The following KCNJ18 variants were observed in gnomAD, a reference collection of about 807,000 sequenced individuals.
KCNJ18 encodes inward rectifier potassium channel 18.
A neutral mutation model predicts 17.3 loss-of-function variants in KCNJ18; 16 were observed. The ratio of observed to expected loss-of-function variants is 0.92; its 90% CI spans 0.62 to 1.40. The LOEUF is 1.40. Among genes scored for constraint, KCNJ18 ranks in the 40% most tolerant of loss-of-function variants. The pLI, the probability that KCNJ18 is intolerant of heterozygous loss-of-function variation, is 0.00. For synonymous variants in KCNJ18, 185 were observed against 262.6 expected (o/e 0.70, Z 2.86); for missense variants, 462 against 626.8 (o/e 0.74, Z 2.81).
Position 21,703,147 on chromosome 17 carries a change from A to G in KCNJ18, c.361A>G (p.Thr121Ala). 1 of 1,611,098 alleles carries G rather than the reference A, an allele frequency of 6.2e-7. No homozygotes were observed. The highest frequency in any genetic ancestry group is 8.5e-7 in the Non-Finnish European group (1 of 1,179,272). Reference sequence around the variant, plus strand: ...GGAGCCGGCTGAGGGCCACGGCCGCACACCCTGTGTGATGCAGGTGCACGG... The same window carrying G: ...GGAGCCGGCTGAGGGCCACGGCCGCGCACCCTGTGTGATGCAGGTGCACGG... ...DLEPAEGHGR[T>A]PCVMQVHGFM... Residue 121 changes from threonine to alanine, a missense_variant, in exon 3 of 3, where the codon ACA becomes GCA. By Grantham distance (58) the Thr-to-Ala change is moderately conservative. This residue lies in a region of KCNJ18 where 237 missense variants were observed against 259.4 expected (regional missense o/e 0.91). Transcript: ENST00000567955.
chr17:21,698,128 T>C (rs1360380178), intron 2 of KCNJ18, among the ~76,000 whole-genome samples: 9 of 151,924 alleles, frequency 5.9e-5, no homozygotes, highest in East Asian at 2.0e-4. Flanking sequence ...CCACCTGGGA[T>C]TGCAGGGGCT....
At chr17:21,701,302 C>T (rs1398278383) in intron 2 of KCNJ18, among the ~76,000 whole-genome samples, 1 of 152,294 alleles carries the variant, frequency 6.6e-6, no homozygotes, top group East Asian at 1.9e-4. Context: ...TGGCCTGGAG[C>T]CAGGTGCTGC....
chr17:21,702,213 G>A (rs1905981574), intron 2 of KCNJ18, among the ~76,000 whole-genome samples: 1 of 151,904 alleles, frequency 6.6e-6, no homozygotes, highest in East Asian at 1.9e-4. Flanking sequence ...TGGCTGGATG[G>A]GGAGTCCGCT....
chr17:21,704,118 C>G lies in KCNJ18; in HGVS notation c.*30C>G, dbSNP rs1455375225. 5.0e-5 allele frequency: 76 copies of G among 1,506,852 alleles called. No homozygotes were observed. The highest frequency in any genetic ancestry group is 6.6e-5 in the Non-Finnish European group (74 of 1,128,454). The allele number at this position is 1,506,852 out of a possible 1,614,324, so 93.3% of individuals were successfully genotyped here. A position where few individuals can be genotyped will look rare whatever the true frequency, so the allele number is the denominator to read the frequency against. On this transcript the variant is annotated 3_prime_UTR_variant, in exon 3 of 3. Coordinates refer to ENST00000567955, the MANE Select transcript of KCNJ18 (RefSeq NM_001194958.2). The stretch of plus-strand genomic sequence containing the variant: ...ACCTTGGCCGACATGCAGCATCCAC[C>G]CCTGGCCGGGGAGAGGCCCCGCGGT...
chr17:21,693,510 C>T (rs1256705532), intron 1 of KCNJ18, among the ~76,000 whole-genome samples: 8,991 of 152,054 alleles, frequency 0.059, 4 homozygotes, highest in African/African-American at 0.19. Context: ...TGGCAATATC[C>T]GACCTTCGCT....
Position 21,703,671 on chromosome 17 carries a change from C to T in KCNJ18, c.885C>T (p.Ile295=), listed in dbSNP as rs1213171082. The part of the protein sequence containing the change: ...RQDLETDDFE[I]VVILEGMVEA... ...ACCTGGAGACGGACGACTTTGAGAT[C>T]GTGGTCATCCTGGAAGGCATGGTGG... The change falls in exon 3 of 3, where the codon ATC becomes ATT. Residue 295 remains isoleucine, a synonymous_variant. Transcript: ENST00000567955. 7.5e-6 allele frequency: 12 copies of T among 1,591,052 alleles called. No individual in the cohort carries two copies. Among genetic ancestry groups the T allele is most frequent in the African/African-American group, 4.0e-5 (3 of 74,162 alleles).
Position 21,703,656 on chromosome 17 carries a change from G to C in KCNJ18, c.870G>C (p.Thr290=). ...LFGISRQDLE[T]DDFEIVVILE... ...GCATCAGCCGGCAGGACCTGGAGAC[G>C]GACGACTTTGAGATCGTGGTCATCC... The change falls in exon 3 of 3, where the codon ACG becomes ACC. Residue 290 remains threonine (T), a synonymous_variant. Coordinates refer to ENST00000567955, the MANE Select transcript of KCNJ18 (RefSeq NM_001194958.2). The C allele has an allele frequency of 6.2e-7, 1 of 1,603,816 alleles. No homozygotes were observed.
At chr17:21,695,770 T>C (rs1395005271) in intron 1 of KCNJ18, among the ~76,000 whole-genome samples, 147 of 151,906 alleles carry the variant, frequency 9.7e-4, no homozygotes, top group East Asian at 4.1e-3. Context: ...TCTCTGACAC[T>C]CCATCTTGTT....
chr17:21,693,307 C>A, intron 1 of KCNJ18, among the ~76,000 whole-genome samples: 1 of 152,298 alleles, frequency 6.6e-6, no homozygotes, highest in Non-Finnish European at 1.5e-5. Context: ...TAGAGTAGAG[C>A]TAATTTTGCC....
intron 2 of KCNJ18, among the ~76,000 whole-genome samples, 199 bp downstream of exon 2, chr17:21,696,303 C>T (rs1384903151): frequency 2.0e-5 from 3 of 151,860 alleles, no homozygotes; most frequent in Admixed American, 2.0e-4. Context: ...GCCATCCGTT[C>T]CTCACCCATT....
intron 2 of KCNJ18, among the ~76,000 whole-genome samples, 177 bp downstream of exon 2, chr17:21,696,281 C>T (rs1244482961): frequency 6.6e-6 from 1 of 151,378 alleles, no homozygotes; most frequent in African/African-American, 2.4e-5. Flanking sequence ...CTCCATCCAT[C>T]CCCTCGCCCA....
At chr17:21,692,776 G>C (rs1298466014) in intron 1 of KCNJ18, 62 bp downstream of exon 1, 2 of 152,662 alleles carry the variant, frequency 1.3e-5, no homozygotes, top group East Asian at 3.8e-4. Context: ...CTGGGGGGCT[G>C]CCAGGCCTCT....
chr17:21,704,123 G>C lies in KCNJ18; in HGVS notation c.*35G>C. 1 of 1,494,822 alleles carries C rather than the reference G, an allele frequency of 6.7e-7. No individual in the cohort carries two copies. The highest frequency in any genetic ancestry group is 8.9e-7 in the Non-Finnish European group (1 of 1,122,796). The allele number at this position is 1,494,822 out of a possible 1,614,324, so 92.6% of individuals were successfully genotyped here. On this transcript the variant is annotated 3_prime_UTR_variant, in exon 3 of 3. Transcript: ENST00000567955. The stretch of plus-strand genomic sequence containing the variant: ...GGCCGACATGCAGCATCCACCCCTG[G>C]CCGGGGAGAGGCCCCGCGGTCGCTC...
intron 2 of KCNJ18, among the ~76,000 whole-genome samples, chr17:21,697,798 C>T (rs1236405850): frequency 1.3e-5 from 2 of 152,308 alleles, no homozygotes; most frequent in South Asian, 2.1e-4. Flanking sequence ...CTGGGCTTTC[C>T]AGGCCCCAGT....
chr17:21,699,303 G>T (rs1458130430), intron 2 of KCNJ18, among the ~76,000 whole-genome samples: 1 of 152,130 alleles, frequency 6.6e-6, no homozygotes, highest in Admixed American at 6.5e-5. Context: ...CTTGAAGGCC[G>T]CATGTTTGTG....
intron 2 of KCNJ18, among the ~76,000 whole-genome samples, chr17:21,701,301 G>T (rs1905942048): frequency 6.6e-6 from 1 of 152,302 alleles, no homozygotes; most frequent in African/African-American, 2.4e-5. Flanking sequence ...CTGGCCTGGA[G>T]CCAGGTGCTG....
chr17:21,701,501 T>C (rs1213090287), intron 2 of KCNJ18, among the ~76,000 whole-genome samples: 2 of 152,180 alleles, frequency 1.3e-5, no homozygotes, highest in African/African-American at 4.8e-5. Context: ...GCACTGCTGG[T>C]GACCAAGAAG....
chr17:21,703,347 C>G lies in KCNJ18; in HGVS notation c.561C>G (p.Pro187=). 1.2e-6 allele frequency: 2 copies of G among 1,606,762 alleles called. No homozygotes were observed. Among genetic ancestry groups the G allele is most frequent in the Non-Finnish European group, 1.7e-6 (2 of 1,176,664 alleles). The change falls in exon 3 of 3, where the codon CCC becomes CCG. Residue 187 remains proline (P), a synonymous_variant. Coordinates refer to ENST00000567955, the MANE Select transcript of KCNJ18 (RefSeq NM_001194958.2). Reference sequence around the variant, plus strand: ...CCATCATGGCCAAGATGGCAAGGCCCAAGAAGCGGGCACAGACGCTGCTGT... The same window carrying G: ...CCATCATGGCCAAGATGGCAAGGCCGAAGAAGCGGGCACAGACGCTGCTGT... ...IGAIMAKMAR[P]KKRAQTLLFS...
At position 21,703,853 on chromosome 17, in the gene KCNJ18, G is replaced by A. The variant is rs1157008943; in HGVS notation, c.1067G>A (p.Arg356His). 4.0e-4 allele frequency: 649 copies of A among 1,612,272 alleles called. 5 individuals are homozygous for A. In the African/African-American group the frequency reaches 6.8e-3, roughly 17 times the overall value. ...ACCTATGAGGTGCCCTCTACGCCCCGCTGCAGTGCGAAGGATCTGGTAGAG... is the reference window on the plus strand; with the variant it reads ...ACCTATGAGGTGCCCTCTACGCCCCACTGCAGTGCGAAGGATCTGGTAGAG... ...HKTYEVPSTP[R>H]CSAKDLVENK... The change falls in exon 3 of 3, where the codon CGC (arginine) becomes CAC (histidine). Residue 356 changes from arginine (R) to histidine (H), a missense_variant. Around this residue, in one of 5 missense-constraint regions of KCNJ18, gnomAD observed 123 missense variants for 117.5 expected, o/e 1.05. Transcript: ENST00000567955.
Sources: allele counts gnomAD v4.1 joint callset (sites outside exome capture counted in the v4.1 genomes callset), GRCh38; gene constraint gnomAD v4.1.1; regional missense constraint gnomAD v4.1.1; transcripts MANE v1.5; gene names NCBI Gene and HGNC (gene_info 2026-07-23, HGNC 2026-07-21).